NRXN1: variants seen among roughly 807,000 people sequenced by gnomAD.
NRXN1 encodes neurexin 1.
A neutral mutation model predicts 150.9 loss-of-function variants in NRXN1; 39 were observed. The ratio of observed to expected loss-of-function variants is 0.26; its 90% CI spans 0.20 to 0.34. The LOEUF is 0.34. NRXN1 is among the 10% of genes least tolerant of loss of function. NRXN1 has a pLI of 1.00. For missense variants in NRXN1, 1,815 were observed against 1,949.9 expected (o/e 0.93, Z 1.30); for synonymous variants, 924 against 757.0 (o/e 1.22, Z -3.62).
chr2:50,669,504 T>C (rs1257469907), intron 5 of NRXN1, among the ~76,000 whole-genome samples: 1 of 152,040 alleles, frequency 6.6e-6, no homozygotes, highest in Non-Finnish European at 1.5e-5. Context: ...AGATACAGCA[T>C]AACTATTAAC....
chr2:50,958,487 GT>G (rs902782419), intron 2 of NRXN1, among the ~76,000 whole-genome samples: 11 of 151,682 alleles, frequency 7.3e-5, no homozygotes, highest in South Asian at 2.1e-4. Flanking sequence ...TAATAAGCTT[GT>G]TTTTTTTAAT....
At chr2:50,909,837 A>G (rs1406275330) in intron 5 of NRXN1, among the ~76,000 whole-genome samples, 1 of 152,030 alleles carries the variant, frequency 6.6e-6, no homozygotes, top group East Asian at 1.9e-4. Context: ...TGAGCAGTGT[A>G]GAACAAAAGG....
At chr2:50,003,062 G>A (rs1245309426) in intron 21 of NRXN1, among the ~76,000 whole-genome samples, 7 of 152,152 alleles carry the variant, frequency 4.6e-5, no homozygotes, top group Admixed American at 1.3e-4. Context: ...TGAGAAATAA[G>A]TTTTTCTCTC....
At chr2:50,557,644 G>T (rs553053178) in intron 8 of NRXN1, among the ~76,000 whole-genome samples, 3 of 152,106 alleles carry the variant, frequency 2.0e-5, no homozygotes, top group African/African-American at 7.2e-5. Context: ...ATAATAAATT[G>T]TATTTTAGTT....
intron 17 of NRXN1, among the ~76,000 whole-genome samples, chr2:50,255,099 T>C (rs1035661125): frequency 6.6e-6 from 1 of 152,166 alleles, no homozygotes; most frequent in African/African-American, 2.4e-5. Context: ...TAAGTCACCA[T>C]TCCTGGCTTA....
chr2:50,859,836 GTT>G (rs915461162), intron 5 of NRXN1, among the ~76,000 whole-genome samples: 8 of 84,504 alleles, frequency 9.5e-5, no homozygotes, highest in African/African-American at 2.8e-4. Flanking sequence ...ACACAATTAT[GTT>G]TGTGTGTGTG....
At chr2:50,257,292 G>A (rs2067797154) in intron 17 of NRXN1, among the ~76,000 whole-genome samples, 1 of 152,014 alleles carries the variant, frequency 6.6e-6, no homozygotes, top group African/African-American at 2.4e-5. Flanking sequence ...GAGGTCACAT[G>A]TATTTATGGA....
chr2:50,330,503 A>C (rs913702638), intron 17 of NRXN1, among the ~76,000 whole-genome samples: 2 of 152,150 alleles, frequency 1.3e-5, no homozygotes, highest in Non-Finnish European at 2.9e-5. Context: ...TCACATTAGA[A>C]TGTCCTTCCT....
chr2:50,898,464 TA>T, intron 5 of NRXN1: 3 of 283,748 alleles, frequency 1.1e-5, no homozygotes, highest in Non-Finnish European at 6.9e-6. Context: ...CAAAGAGTTT[TA>T]TTTTCAAAGT....
intron 18 of NRXN1, among the ~76,000 whole-genome samples, chr2:50,201,737 T>C (rs370847835): frequency 6.6e-5 from 10 of 152,200 alleles, no homozygotes; most frequent in Admixed American, 6.5e-4. Flanking sequence ...TCAGGGGTAC[T>C]TAACTAAGCA....
In NRXN1 at chr2:51,027,890, G is replaced by A; in HGVS notation, c.384C>T (p.Leu128=). 1 of 1,611,784 alleles carries A rather than the reference G, an allele frequency of 6.2e-7. No individual in the cohort carries two copies. The highest frequency in any genetic ancestry group is 8.5e-7 in the Non-Finnish European group (1 of 1,179,724). The change falls in exon 2 of 23, where the codon CTC becomes CTT. Residue 128 remains leucine (L), a synonymous_variant. Transcript: ENST00000401669. ...RIRRQFRNTT[L]FIDQVEAKWV... ...ACTTGGCCTCCACCTGGTCGATGAA[G>A]AGCGTGGTGTTGCGGAACTGGCGGC...
intron 5 of NRXN1, among the ~76,000 whole-genome samples, chr2:50,864,064 A>G (rs1299739446): frequency 1.3e-5 from 2 of 151,918 alleles, no homozygotes; most frequent in Admixed American, 1.3e-4. Context: ...CTGTGCAGAG[A>G]TTTTCCGTTG....
chr2:50,285,840 C>G (rs1382823656), intron 17 of NRXN1, among the ~76,000 whole-genome samples: 2 of 148,982 alleles, frequency 1.3e-5, no homozygotes, highest in Non-Finnish European at 3.0e-5. Context: ...TTTCATTTGA[C>G]AGTGTATAAA....
chr2:51,003,166 T>C (rs62143015), intron 2 of NRXN1, among the ~76,000 whole-genome samples: 19,522 of 151,912 alleles, frequency 0.13, 1,407 homozygotes, highest in Non-Finnish European at 0.15. Context: ...CAAATAAGCA[T>C]AGAAAGTCTT....
chr2:50,392,416 T>C (rs1372713139), intron 17 of NRXN1, among the ~76,000 whole-genome samples: 1 of 152,154 alleles, frequency 6.6e-6, no homozygotes, highest in Non-Finnish European at 1.5e-5. Flanking sequence ...TGTAAAACAT[T>C]GCCAGATGAT....
At chr2:50,303,394 A>T (rs1031390496) in intron 17 of NRXN1, among the ~76,000 whole-genome samples, 1 of 152,202 alleles carries the variant, frequency 6.6e-6, no homozygotes, top group Non-Finnish European at 1.5e-5. Flanking sequence ...GGAACAGACA[A>T]ATTAATTGAA....
intron 18 of NRXN1, among the ~76,000 whole-genome samples, chr2:50,163,182 A>ATG: frequency 6.7e-6 from 1 of 148,634 alleles, no homozygotes; most frequent in African/African-American, 2.5e-5. Context: ...ATATATATAT[A>ATG]TATAAAACAA....
At chr2:50,463,562 C>T (rs2088478600) in intron 17 of NRXN1, among the ~76,000 whole-genome samples, 3 of 151,678 alleles carry the variant, frequency 2.0e-5, no homozygotes, top group African/African-American at 7.3e-5. Flanking sequence ...TAACGAATAG[C>T]CTTATCATTG....
chr2:51,027,776 C>G lies in NRXN1; in HGVS notation c.498G>C (p.Ala166=). ...TCACCGAGGCCAGGGTGAGCTTGAGCGCCGCGGCGCGCAGTTCCGGGGGCA... is the reference window on the plus strand; with the variant it reads ...TCACCGAGGCCAGGGTGAGCTTGAGGGCCGCGGCGCGCAGTTCCGGGGGCA... ...GGLPPELRAA[A]LKLTLASVRE... The change falls in exon 2 of 23, where the codon GCG becomes GCC. Residue 166 remains alanine (A), a synonymous_variant. Coordinates refer to ENST00000401669, the MANE Select transcript of NRXN1 (RefSeq NM_001330078.2). The G allele has an allele frequency of 6.2e-7, 1 of 1,612,244 alleles. No individual in the cohort carries two copies.
Sources: gnomAD v4.1 joint callset for allele counts (sites outside exome capture counted in the v4.1 genomes callset) on GRCh38, gnomAD v4.1.1 for gene constraint, MANE v1.5 for transcripts, NCBI Gene and HGNC (gene_info 2026-07-23, HGNC 2026-07-21) for gene names.